The following FBLN7 variants were observed in gnomAD, a reference collection of about 807,000 sequenced individuals.
FBLN7 encodes the protein fibulin-7.
FBLN7 carries 31 observed loss-of-function variants against 44.0 expected under a neutral mutation model. That is an observed-to-expected ratio of 0.70 (90% confidence interval 0.53 to 0.95). The LOEUF is 0.95. FBLN7 is among the 40% of genes least tolerant of loss of function. The pLI is 0.00. For synonymous variants in FBLN7, 262 were observed against 253.4 expected (o/e 1.03, Z -0.32); for missense variants, 573 against 618.5 (o/e 0.93, Z 0.78).
At chr2:112,234,961 G>A in the FBLN7 span, among the ~76,000 whole-genome samples, 2 of 152,192 alleles carry the variant, frequency 1.3e-5, no homozygotes, top group South Asian at 2.1e-4. Flanking sequence ...CTGGGTGTGA[G>A]TTGAGCACAC....
chr2:112,229,911 A>C, the FBLN7 span, among the ~76,000 whole-genome samples: 1 of 152,036 alleles, frequency 6.6e-6, no homozygotes, highest in Non-Finnish European at 1.5e-5. Flanking sequence ...AAAGATTCCC[A>C]AAATAAGTAA....
Position 112,182,845 on chromosome 2 carries a change from A to C in FBLN7, c.725A>C (p.His242Pro). The change falls in exon 6 of 8, where the codon CAC becomes CCC. Residue 242 changes from histidine (H) to proline (P), a missense_variant. By Grantham distance (77) the His-to-Pro change is moderately conservative (BLOSUM62 -2). Transcript: ENST00000331203. Reference protein sequence around the residue: ...GQEGRPRLCMHACVNTPGSYR... With the variant: ...GQEGRPRLCMPACVNTPGSYR... ...GAGGGGCGCCCCCGGCTCTGCATGC[A>C]CGCCTGCGTGAACACCCCGGGCTCT... The C allele has an allele frequency of 6.2e-7, 1 of 1,612,734 alleles. No homozygotes were observed. The highest frequency in any genetic ancestry group is 8.5e-7 in the Non-Finnish European group (1 of 1,179,706).
At chr2:112,160,776 GCACACGCACGCACACGCACACA>G (rs1558880311) in intron 2 of FBLN7, among the ~76,000 whole-genome samples, 2 of 108,802 alleles carry the variant, frequency 1.8e-5, no homozygotes, top group Non-Finnish European at 4.0e-5. Flanking sequence ...ACACGCAGAC[GCACACGCACGCACACGCACACA>G]CGCACGCACA....
chr2:112,167,995 G>A (rs928148917), intron 3 of FBLN7, among the ~76,000 whole-genome samples: 2 of 152,096 alleles, frequency 1.3e-5, no homozygotes, highest in African/African-American at 4.8e-5. Context: ...CAGCCCTGCT[G>A]AGCAGACTTC....
chr2:112,242,550 C>T, the FBLN7 span, among the ~76,000 whole-genome samples: 1 of 152,072 alleles, frequency 6.6e-6, no homozygotes, highest in Admixed American at 6.6e-5. Context: ...GCATACTTAC[C>T]ACATCAAAAC....
chr2:112,210,579 C>G, the FBLN7 span, among the ~76,000 whole-genome samples: 24 of 147,322 alleles, frequency 1.6e-4, no homozygotes, highest in African/African-American at 5.8e-4. Flanking sequence ...CTGCTTGAAC[C>G]CAGGAGGAAG....
intron 2 of FBLN7, among the ~76,000 whole-genome samples, chr2:112,162,454 A>G (rs1681928016): frequency 6.6e-6 from 1 of 151,882 alleles, no homozygotes; most frequent in Non-Finnish European, 1.5e-5. Flanking sequence ...ATCACAACCC[A>G]TCAGCTTCAG....
chr2:112,157,808 C>G (rs938674215), intron 1 of FBLN7, among the ~76,000 whole-genome samples: 14 of 152,046 alleles, frequency 9.2e-5, no homozygotes, highest in African/African-American at 3.4e-4. Flanking sequence ...GTCTGTTGCC[C>G]AGGGTGGTCT....
At chr2:112,160,191 CTT>C (rs1681679898) in intron 2 of FBLN7, among the ~76,000 whole-genome samples, 1 of 152,090 alleles carries the variant, frequency 6.6e-6, no homozygotes, top group Non-Finnish European at 1.5e-5. Flanking sequence ...GGGGTTTCAC[CTT>C]GTTAGCCAGG....
chr2:112,197,316 GAA>G, the FBLN7 span, among the ~76,000 whole-genome samples: 2 of 150,362 alleles, frequency 1.3e-5, no homozygotes, highest in East Asian at 3.9e-4. Flanking sequence ...GACAGAGAGA[GAA>G]ACATGCAGAG....
Position 112,159,716 on chromosome 2 carries a change from A to C in FBLN7, c.116A>C (p.Gln39Pro). 1 of 1,582,756 alleles carries C rather than the reference A, an allele frequency of 6.3e-7. No homozygotes were observed. The highest frequency in any genetic ancestry group is 8.6e-7 in the Non-Finnish European group (1 of 1,164,348). ...CAGCAGCTCCTCTCGGCCATCCGCC[A>C]GCTGCAGCAGCTGCTGAAGGGCCAG... The part of the protein sequence containing the change: ...SKQQLLSAIR[Q>P]LQQLLKGQET... The change falls in exon 2 of 8, where the codon CAG (glutamine) becomes CCG (proline). Residue 39 changes from glutamine (Q) to proline (P), a missense_variant. Gln to Pro is a moderately conservative substitution (Grantham distance 76). Coordinates refer to ENST00000331203, the MANE Select transcript of FBLN7 (RefSeq NM_153214.3).
chr2:112,219,892 GTTAT>G, the FBLN7 span, among the ~76,000 whole-genome samples: 1 of 152,204 alleles, frequency 6.6e-6, no homozygotes, highest in Admixed American at 6.5e-5. Context: ...TTATTGTGTG[GTTAT>G]TTAAGTCACT....
intron 7 of FBLN7, among the ~76,000 whole-genome samples, chr2:112,186,213 T>C (rs1683259484): frequency 6.6e-6 from 1 of 152,176 alleles, no homozygotes; most frequent in Non-Finnish European, 1.5e-5. Context: ...GTTGACTGCA[T>C]AATCATGATG....
chr2:112,149,378 C>T (rs1681037574), intron 1 of FBLN7, among the ~76,000 whole-genome samples: 1 of 152,220 alleles, frequency 6.6e-6, no homozygotes, highest in Non-Finnish European at 1.5e-5. Flanking sequence ...CCCAGGTCTG[C>T]TCACCCTGGG....
the FBLN7 span, among the ~76,000 whole-genome samples, chr2:112,204,499 C>T: frequency 6.6e-6 from 1 of 150,818 alleles, no homozygotes; most frequent in Non-Finnish European, 1.5e-5. Context: ...CAAAAAGATC[C>T]ACACTTAGAC....
intron 6 of FBLN7, among the ~76,000 whole-genome samples, chr2:112,184,961 A>G (rs564744307): frequency 5.9e-5 from 9 of 151,916 alleles, no homozygotes; most frequent in Non-Finnish European, 1.5e-5. Context: ...GCTTTCCACC[A>G]TCCTTGCCAC....
At chr2:112,209,975 T>C in the FBLN7 span, among the ~76,000 whole-genome samples, 4 of 151,632 alleles carry the variant, frequency 2.6e-5, no homozygotes, top group East Asian at 1.9e-4. Flanking sequence ...TGAGAGATGT[T>C]TGTGTGGGGA....
the FBLN7 span, among the ~76,000 whole-genome samples, chr2:112,205,667 T>A: frequency 1.3e-5 from 2 of 152,134 alleles, no homozygotes; most frequent in African/African-American, 4.8e-5. Context: ...TCTAATCCAT[T>A]AAGTTGATAT....
At chr2:112,183,943 GGT>G (rs1401158721) in intron 6 of FBLN7, among the ~76,000 whole-genome samples, 2 of 152,126 alleles carry the variant, frequency 1.3e-5, no homozygotes, top group Non-Finnish European at 2.9e-5. Flanking sequence ...AGGGACACTG[GGT>G]GCCTAACAGG....
Sources: gnomAD v4.1 joint callset for allele counts (sites outside exome capture counted in the v4.1 genomes callset) on GRCh38, gnomAD v4.1.1 for gene constraint, MANE v1.5 for transcripts, NCBI Gene and HGNC (gene_info 2026-07-23, HGNC 2026-07-21) for gene names.